Variants in DHRS7B observed in about 807,000 individuals in gnomAD.
DHRS7B encodes dehydrogenase/reductase 7B.
In DHRS7B, 24 loss-of-function variants were observed where a neutral mutation model predicts 26.4. The ratio of observed to expected loss-of-function variants is 0.91; its 90% CI spans 0.66 to 1.28. The LOEUF is 1.28. DHRS7B is among the 50% of genes most tolerant of loss of function. The pLI is 0.00. For missense variants in DHRS7B, 368 were observed against 419.4 expected (o/e 0.88, Z 1.07); for synonymous variants, 142 against 166.4 (o/e 0.85, Z 1.13).
At chr17:21,164,030 C>CTTGTTTTTTTTTTTTTTT (rs1974055220) in intron 1 of DHRS7B, among the ~76,000 whole-genome samples, 2 of 96,976 alleles carry the variant, frequency 2.1e-5, no homozygotes, top group Non-Finnish European at 3.8e-5. Flanking sequence ...AATTGTTGTG[C>CTTGTTTTTTTTTTTTTTT]TTTTTTTTTT....
At chr17:21,179,841 A>G (rs1235656232) in intron 3 of DHRS7B, among the ~76,000 whole-genome samples, 2 of 149,222 alleles carry the variant, frequency 1.3e-5, no homozygotes, top group East Asian at 2.0e-4. Flanking sequence ...ATCTCAGCTC[A>G]CCACAACCTC....
Position 21,178,237 on chromosome 17 carries a change from T to C in DHRS7B, c.204T>C (p.Cys68=). ...TGATSGLGKE[C]AKVFYAAGAK... is the part of the protein sequence containing the mutation. ...GGCTCTTTTCTCTTCCCTTAGAATG[T>C]GCAAAAGTCTTCTATGCTGCGGGTG... The change falls in exon 3 of 7, where the codon TGT becomes TGC. Residue 68 remains cysteine, a synonymous_variant. Coordinates refer to ENST00000395511, the MANE Select transcript of DHRS7B (RefSeq NM_015510.5). 10 of 1,614,214 alleles carry C rather than the reference T, an allele frequency of 6.2e-6. No individual in the cohort carries two copies. Among genetic ancestry groups the C allele is most frequent in the Non-Finnish European group, 8.5e-6 (10 of 1,180,010 alleles).
chr17:21,152,909 A>C (rs982946697), intron 1 of DHRS7B, among the ~76,000 whole-genome samples: 9 of 150,200 alleles, frequency 6.0e-5, no homozygotes, highest in Non-Finnish European at 1.3e-4. Context: ...ACTGTAGAAC[A>C]CTTCCCCTTC....
intron 3 of DHRS7B, 68 bp from the exon 4 acceptor site, chr17:21,183,526 C>T (rs945203466): frequency 4.4e-5 from 63 of 1,429,648 alleles, no homozygotes; most frequent in Non-Finnish European, 6.1e-5. Flanking sequence ...GCTAAGTGAT[C>T]CGTGGGACAC....
intron 1 of DHRS7B, among the ~76,000 whole-genome samples, chr17:21,133,046 A>G (rs1369959714): frequency 6.6e-6 from 1 of 152,256 alleles, no homozygotes; most frequent in East Asian, 1.9e-4. Flanking sequence ...AATAACTGTC[A>G]TACCTACCTC....
Position 21,150,664 on chromosome 17 carries a change from C to T in DHRS7B, c.21-21354C>T, listed in dbSNP as rs139200786. 5.9e-5 allele frequency among the ~76,000 whole-genome samples: 9 copies of T among 152,216 alleles called. No homozygotes were observed. In the East Asian group the frequency reaches 1.5e-3, roughly 26 times the overall value. ...AAAAACATGGAACTTTGAGTAAGAG[C>T]AGTAGGAGTCTGTGACAGACATGCC... On this transcript the variant is annotated intron_variant, in intron 1 of 6. Transcript: ENST00000395511.
At chr17:21,159,259 T>C (rs1973946947) in intron 1 of DHRS7B, among the ~76,000 whole-genome samples, 1 of 151,550 alleles carries the variant, frequency 6.6e-6, no homozygotes, top group African/African-American at 2.4e-5. Context: ...TCTTTTTTTT[T>C]TTTTTAAAGA....
At chr17:21,170,694 A>C (rs1245023558) in intron 1 of DHRS7B, among the ~76,000 whole-genome samples, 1 of 152,142 alleles carries the variant, frequency 6.6e-6, no homozygotes, top group Non-Finnish European at 1.5e-5. Context: ...TTGCAGTAGA[A>C]TCCTCTTGTA....
chr17:21,145,597 T>A (rs1973625884), intron 1 of DHRS7B, among the ~76,000 whole-genome samples: 1 of 152,234 alleles, frequency 6.6e-6, no homozygotes, highest in Admixed American at 6.5e-5. Flanking sequence ...GGTTCCCAAC[T>A]TATGATGGTT....
chr17:21,181,878 T>TCATGC (rs11281317), intron 3 of DHRS7B, among the ~76,000 whole-genome samples: 127,181 of 151,620 alleles, frequency 0.84, 53,493 homozygotes, highest in Middle Eastern at 0.88. Context: ...ATATATAGAA[T>TCATGC]CATCTGCAAA....
rs1567632823 is a variant in DHRS7B at position 21,191,212 on chromosome 17, C to G, written c.*59C>G. 22 of 1,543,214 alleles carry G rather than the reference C, an allele frequency of 1.4e-5. No individual in the cohort carries two copies. Among genetic ancestry groups the G allele is most frequent in the Non-Finnish European group, 2.7e-6 (3 of 1,121,824 alleles). ...AGCACTCTTAGGCTTGCTTACTCTA[C>G]AAGGGACAGTTGCATTTGTTGAGAC... On this transcript the variant is annotated 3_prime_UTR_variant, in exon 7 of 7. Transcript: ENST00000395511.
intron 1 of DHRS7B, among the ~76,000 whole-genome samples, chr17:21,150,125 A>C (rs574897156): frequency 4.1e-4 from 61 of 150,154 alleles, no homozygotes; most frequent in Middle Eastern, 3.4e-3. Flanking sequence ...AAAAAAAAAA[A>C]AAAAAAACTA....
intron 1 of DHRS7B, among the ~76,000 whole-genome samples, chr17:21,133,422 C>CA (rs1301362960): frequency 6.6e-6 from 1 of 152,202 alleles, no homozygotes; most frequent in Non-Finnish European, 1.5e-5. Flanking sequence ...TGGGGCCCCC[C>CA]TTCAGGGGCT....
At position 21,178,261 on chromosome 17, in the gene DHRS7B, T is replaced by G; in HGVS notation, c.228T>G (p.Gly76=). 2 of 1,614,184 alleles carry G rather than the reference T, an allele frequency of 1.2e-6. No individual in the cohort carries two copies. Among genetic ancestry groups the G allele is most frequent in the South Asian group, 2.2e-5 (2 of 91,080 alleles). The part of the protein sequence containing the change: ...KECAKVFYAA[G]AKLVLCGRNG... The stretch of plus-strand genomic sequence containing the variant: ...GTGCAAAAGTCTTCTATGCTGCGGG[T>G]GCTAAACTGGTGCTCTGTGGCCGGA... The change falls in exon 3 of 7, where the codon GGT becomes GGG. Residue 76 remains glycine (G), a synonymous_variant. Coordinates refer to ENST00000395511, the MANE Select transcript of DHRS7B (RefSeq NM_015510.5).
At chr17:21,151,564 T>G (rs2143999318) in intron 1 of DHRS7B, among the ~76,000 whole-genome samples, 1 of 149,638 alleles carries the variant, frequency 6.7e-6, no homozygotes, top group South Asian at 2.1e-4. Flanking sequence ...GTAAAAAGCT[T>G]AACAAACTGA....
rs531365878 is a variant in DHRS7B at position 21,176,086 on chromosome 17, G to T, written c.200-2147G>T. ...GATCATGGCTCACTTGACTTCCCAG[G>T]CTCAAGGGATCCTCCCACCTTAGCC... On this transcript the variant is annotated intron_variant, in intron 2 of 6. Coordinates refer to ENST00000395511, the MANE Select transcript of DHRS7B (RefSeq NM_015510.5). 2.0e-5 allele frequency among the ~76,000 whole-genome samples: 3 copies of T among 152,096 alleles called. No homozygotes were observed. In the South Asian group the frequency reaches 6.2e-4, roughly 32 times the overall value.
chr17:21,153,868 A>C (rs1395682888), intron 1 of DHRS7B, among the ~76,000 whole-genome samples: 1 of 152,208 alleles, frequency 6.6e-6, no homozygotes, highest in Non-Finnish European at 1.5e-5. Flanking sequence ...TAAAAGGGAC[A>C]AAAACATTCA....
rs75067387 is a variant in DHRS7B at position 21,190,441 on chromosome 17, G to A, written c.773-507G>A. Among the ~76,000 whole-genome samples, 1,018 of 152,232 alleles carry A rather than the reference G, an allele frequency of 6.7e-3. 7 individuals carry two copies. Among genetic ancestry groups the A allele is most frequent in the South Asian group, 0.029 (138 of 4,816 alleles). On this transcript the variant is annotated intron_variant, in intron 6 of 6. Transcript: ENST00000395511. Reference sequence around the variant, plus strand: ...CCTGACTCAGTGAGCTTGTGCATATGGGGGTCAATAGTCCCCACCCACCTC... The same window carrying A: ...CCTGACTCAGTGAGCTTGTGCATATAGGGGTCAATAGTCCCCACCCACCTC...
chr17:21,179,569 C>T (rs939530700), intron 3 of DHRS7B, among the ~76,000 whole-genome samples: 4 of 152,042 alleles, frequency 2.6e-5, no homozygotes, highest in African/African-American at 9.7e-5. Context: ...CACTGCACTC[C>T]ACCCTGGGTG....
Sources: gnomAD v4.1 joint callset for allele counts (sites outside exome capture counted in the v4.1 genomes callset) on GRCh38, gnomAD v4.1.1 for gene constraint, MANE v1.5 for transcripts, NCBI Gene and HGNC (gene_info 2026-07-23, HGNC 2026-07-21) for gene names.